The following IGF2R variants were observed in gnomAD, a reference collection of about 807,000 sequenced individuals.
The protein encoded by IGF2R is cation-independent mannose-6-phosphate receptor.
A neutral mutation model predicts 270.6 loss-of-function variants in IGF2R; 91 were observed. The observed-to-expected ratio is 0.34, with a 90% CI of 0.28 to 0.40. IGF2R has a LOEUF of 0.40. Ranked by LOEUF, IGF2R falls within the 10% of genes least tolerant of loss-of-function variation. IGF2R has a pLI of 1.00. For synonymous variants in IGF2R, 1,316 were observed against 1,258.9 expected, an observed-to-expected ratio of 1.05 and a Z score of -0.96; for missense variants, 2,805 against 3,188.3, an observed-to-expected ratio of 0.88 and a Z score of 2.90.
chr6:160,038,362 C>T (rs192116992), intron 10 of IGF2R, among the ~76,000 whole-genome samples: 62 of 152,282 alleles, frequency 4.1e-4, no homozygotes, highest in Admixed American at 8.5e-4. Context: ...GAGGGGAGCA[C>T]AGCTTACTGT....
intron 2 of IGF2R, among the ~76,000 whole-genome samples, chr6:159,997,425 G>A (rs991969845): frequency 6.6e-6 from 1 of 152,144 alleles, no homozygotes; most frequent in Non-Finnish European, 1.5e-5. Context: ...AGGTCCAGTG[G>A]AGGGTGAGCA....
intron 10 of IGF2R, among the ~76,000 whole-genome samples, chr6:160,040,265 G>C (rs553400805): frequency 6.6e-6 from 1 of 152,160 alleles, no homozygotes; most frequent in Admixed American, 6.5e-5. Flanking sequence ...CTGCTCTTGC[G>C]TTCCTCCTGC....
chr6:160,077,323 T>G (rs1345304145), intron 36 of IGF2R, among the ~76,000 whole-genome samples: 1 of 152,194 alleles, frequency 6.6e-6, no homozygotes, highest in African/African-American at 2.4e-5. Context: ...GGATTTTGCC[T>G]TGCGGGGGGC....
rs2115160561 is a variant in IGF2R, at chr6:159,969,270, C to T, written c.24C>T (p.Ser8=). 4 of 1,132,132 alleles carry T rather than the reference C, an allele frequency of 3.5e-6. No individual in the cohort carries two copies. The highest frequency in any genetic ancestry group is 1.7e-5 in the African/African-American group (1 of 60,132). 70.1% of individuals were successfully genotyped at this position (1,132,132 alleles called of 1,614,324 possible). MGAAAGR[S]PHLGPAPARR... is the part of the protein sequence containing the mutation. ...CGATGGGGGCCGCCGCCGGCCGGAGCCCCCACCTGGGGCCCGCGCCCGCCC... is the reference window on the plus strand; with the variant it reads ...CGATGGGGGCCGCCGCCGGCCGGAGTCCCCACCTGGGGCCCGCGCCCGCCC... The change falls in exon 1 of 48, where the codon AGC becomes AGT. Residue 8 remains serine, a synonymous_variant. Coordinates refer to ENST00000356956, the MANE Select transcript of IGF2R (RefSeq NM_000876.4).
At chr6:160,013,850 T>G (rs1777207669) in intron 4 of IGF2R, among the ~76,000 whole-genome samples, 2 of 152,234 alleles carry the variant, frequency 1.3e-5, no homozygotes. Context: ...CCCTTTTTTC[T>G]GCTTTCAGTT....
intron 1 of IGF2R, 37 bp from the exon 2 acceptor site, chr6:159,991,147 T>G (rs746860875): frequency 1.3e-6 from 2 of 1,571,754 alleles, no homozygotes; most frequent in Non-Finnish European, 8.7e-7. Flanking sequence ...TTTTGATAAA[T>G]CAGTGACATT....
At chr6:160,103,445 T>C (rs1779537796) in intron 46 of IGF2R, among the ~76,000 whole-genome samples, 2 of 152,326 alleles carry the variant, frequency 1.3e-5, no homozygotes, top group South Asian at 4.1e-4. Flanking sequence ...GCAGGCTTAG[T>C]GGCGACGGAC....
rs1192871718 is a variant in IGF2R, at chr6:159,994,021, T to TC, written c.289+2699dup. Among the ~76,000 whole-genome samples, 18 of 133,924 alleles carry TC rather than the reference T, an allele frequency of 1.3e-4. No individual in the cohort carries two copies. The East Asian group carries it at 4.4e-3, about 33-fold the overall frequency. The allele number at this position is 133,924 out of a possible 152,430, so 87.9% of individuals were successfully genotyped here. On this transcript the variant is annotated intron_variant, in intron 2 of 47. Coordinates refer to ENST00000356956, the MANE Select transcript of IGF2R (RefSeq NM_000876.4). ...TTTTTTTTTTTTTTTCAGGGAGTAG[T>TC]CTCAGTGGGATTGGTACCAGTTCTT...
chr6:160,073,581 C>A, intron 34 of IGF2R, 112 bp downstream of exon 34: 1 of 1,264,712 alleles, frequency 7.9e-7, no homozygotes. Flanking sequence ...ACTGTCCACT[C>A]CTGATCACCC....
intron 10 of IGF2R, 132 bp from the exon 11 acceptor site, chr6:160,040,428 T>TA: frequency 4.3e-6 from 3 of 694,810 alleles, no homozygotes; most frequent in South Asian, 3.7e-5. Context: ...CCATGGTCTC[T>TA]AAAAAAACCT....
chr6:160,110,706 T>C lies in IGF2R; in HGVS notation c.*5622T>C, dbSNP rs1779723635. ...TAAAGATGGATCAAGAAAATGCATG[T>C]ATGTATACACACACACAGTGGAATA... is the stretch of plus-strand genomic sequence containing the variant. On this transcript the variant is annotated 3_prime_UTR_variant, in exon 48 of 48. Coordinates refer to ENST00000356956, the MANE Select transcript of IGF2R (RefSeq NM_000876.4). The C allele has an allele frequency of 6.6e-6, 1 of 152,230 alleles. No individual in the cohort carries two copies. The highest frequency in any genetic ancestry group is 6.5e-5 in the Admixed American group (1 of 15,284). The allele number at this position is 152,230 out of a possible 1,614,324, so 9.4% of individuals were successfully genotyped here.
In IGF2R at chr6:159,969,348, C is replaced by A. The variant is rs1783571534; in HGVS notation, c.102C>A (p.Ala34=). ...LLLQLLLLVA[A]PGSTQAQAAP... ...TGCAGCTGCTGCTGCTCGTCGCTGC[C>A]CCGGGGTCCACGCAGGCCCAGGCCG... The change falls in exon 1 of 48, where the codon GCC becomes GCA. Residue 34 remains alanine (A), a synonymous_variant. Coordinates refer to ENST00000356956, the MANE Select transcript of IGF2R (RefSeq NM_000876.4). 2 of 1,315,092 alleles carry A rather than the reference C, an allele frequency of 1.5e-6. No individual in the cohort carries two copies. Among genetic ancestry groups the A allele is most frequent in the Non-Finnish European group, 1.9e-6 (2 of 1,028,940 alleles). The allele number at this position is 1,315,092 out of a possible 1,614,324, so 81.5% of individuals were successfully genotyped here.
At chr6:160,077,230 G>C (rs1479975181) in intron 36 of IGF2R, among the ~76,000 whole-genome samples, 2 of 152,224 alleles carry the variant, frequency 1.3e-5, no homozygotes. Context: ...TCCACCCATT[G>C]CATCTGTTTA....
chr6:160,066,084 G>A (rs759384898), intron 29 of IGF2R, among the ~76,000 whole-genome samples: 6 of 148,778 alleles, frequency 4.0e-5, no homozygotes, highest in South Asian at 2.1e-4. Flanking sequence ...GCGTGATCTC[G>A]ACTCACTGCA....
chr6:160,000,207 T>A (rs1475670009), intron 2 of IGF2R, among the ~76,000 whole-genome samples: 1 of 152,176 alleles, frequency 6.6e-6, no homozygotes. Context: ...TACTTGGTAA[T>A]TTATGAAGGA....
At chr6:160,067,303 C>T (rs187596151) in intron 29 of IGF2R, among the ~76,000 whole-genome samples, 3 of 152,188 alleles carry the variant, frequency 2.0e-5, no homozygotes, top group Admixed American at 2.0e-4. Context: ...AGTCTATTCA[C>T]AGGTCCCCTT....
chr6:160,098,077 A>G (rs1659739541), intron 45 of IGF2R, among the ~76,000 whole-genome samples: 1 of 152,202 alleles, frequency 6.6e-6, no homozygotes, highest in African/African-American at 2.4e-5. Context: ...CCCAGAAGTG[A>G]ACTTTCCCTG....
chr6:160,035,066 G>A (rs1374282326), intron 10 of IGF2R, among the ~76,000 whole-genome samples: 1 of 152,166 alleles, frequency 6.6e-6, no homozygotes, highest in East Asian at 1.9e-4. Context: ...ATCAAAAAGC[G>A]GTGCCGCTGT....
Position 160,107,174 on chromosome 6 carries a change from T to A in IGF2R, c.*2090T>A, listed in dbSNP as rs1048678992. The A allele has an allele frequency of 6.6e-6, 1 of 152,200 alleles. No homozygotes were observed. The highest frequency in any genetic ancestry group is 2.4e-5 in the African/African-American group (1 of 41,450). 9.4% of individuals were successfully genotyped at this position (152,200 alleles called of 1,614,324 possible). A position where few individuals can be genotyped will look rare whatever the true frequency, so the allele number is the denominator to read the frequency against. Reference sequence around the variant, plus strand: ...AAGACATGTCAGGTCTTCTAAAAGTTTACATTATGACCAAAGAAAGATGCT... The same window carrying A: ...AAGACATGTCAGGTCTTCTAAAAGTATACATTATGACCAAAGAAAGATGCT... On this transcript the variant is annotated 3_prime_UTR_variant, in exon 48 of 48. Transcript: ENST00000356956.
Sources: allele counts gnomAD v4.1 joint callset (sites outside exome capture counted in the v4.1 genomes callset), GRCh38; gene constraint gnomAD v4.1.1; transcripts MANE v1.5; gene names NCBI Gene and HGNC (gene_info 2026-07-23, HGNC 2026-07-21).